Variants in GPR153 observed in about 807,000 individuals in gnomAD.
GPR153 encodes probable G protein-coupled receptor 153.
A neutral mutation model predicts 34.1 loss-of-function variants in GPR153; 27 were observed. The observed-to-expected ratio is 0.79, with a 90% confidence interval of 0.58 to 1.09. GPR153 has a LOEUF of 1.09. Among genes scored for constraint, GPR153 ranks in the 50% least tolerant of loss-of-function variants. The pLI is 0.00. For synonymous variants in GPR153, 408 were observed against 405.4 expected, an observed-to-expected ratio of 1.01 and a Z score of -0.08; for missense variants, 848 against 860.2, an observed-to-expected ratio of 0.99 and a Z score of 0.18.
At chr1:6,253,237 C>CA (rs906835821) in intron 3 of GPR153, among the ~76,000 whole-genome samples, 203 of 148,844 alleles carry the variant, frequency 1.4e-3, no homozygotes, top group African/African-American at 4.3e-3. Context: ...ACTAAAAATA[C>CA]AAAAAAAAAA....
At chr1:6,258,242 C>T (rs986886825) in intron 1 of GPR153, among the ~76,000 whole-genome samples, 2 of 152,200 alleles carry the variant, frequency 1.3e-5, no homozygotes, top group African/African-American at 4.8e-5. Flanking sequence ...ATTCTCCTGC[C>T]TCAGCCTCCC....
chr1:6,253,193 A>G (rs1638486604), intron 3 of GPR153, among the ~76,000 whole-genome samples: 1 of 152,110 alleles, frequency 6.6e-6, no homozygotes, highest in African/African-American at 2.4e-5. Context: ...GGAGTTCGAG[A>G]CCAGCCTGAC....
chr1:6,250,454 T>G lies in GPR153; in HGVS notation c.1150A>C (p.Met384Leu). ...CCTGCGCTCACCTGCAGGTATTGCA[T>G]CTTGTCCTCCTGCAAGGGCCGCAGT... is the stretch of plus-strand genomic sequence containing the variant. ...YPLRPLQEDK[M>L]QYLQVPPTRR... Residue 384 changes from methionine (M) to leucine (L), a missense_variant, in exon 5 of 6, where the codon ATG (methionine) becomes CTG (leucine). Transcript: ENST00000377893. The G allele has an allele frequency of 6.2e-7, 1 of 1,602,090 alleles. No homozygotes were observed.
intron 1 of GPR153, among the ~76,000 whole-genome samples, chr1:6,259,847 G>C (rs1638633180): frequency 6.6e-6 from 1 of 152,172 alleles, no homozygotes. Flanking sequence ...CGGCCACTAG[G>C]GCCAGACCCC....
Position 6,250,160 on chromosome 1 carries a change from G to A in GPR153, c.1165-157C>T, listed in dbSNP as rs552705220. On this transcript the variant is annotated intron_variant, in intron 5 of 5. Transcript: ENST00000377893. ...CTGTGAGGTTTGGTGCAGTCTCTTC[G>A]AGCCGCAGGGCTGTGTCAGACAGCT... 1.1e-5 allele frequency: 11 copies of A among 985,442 alleles called. No individual in the cohort carries two copies. The South Asian group carries it at 3.3e-4, about 29-fold the overall frequency. The allele number at this position is 985,442 out of a possible 1,614,324, so 61.0% of individuals were successfully genotyped here.
At position 6,251,423 on chromosome 1, in the gene GPR153, C is replaced by G. The variant is rs763825214; in HGVS notation, c.894G>C (p.Trp298Cys). 3.7e-5 allele frequency: 59 copies of G among 1,613,438 alleles called. No individual in the cohort carries two copies. Among genetic ancestry groups the G allele is most frequent in the Non-Finnish European group, 4.7e-5 (56 of 1,179,968 alleles). Residue 298 changes from tryptophan to cysteine, a missense_variant, in exon 4 of 6, where the codon TGG (tryptophan) becomes TGC (cysteine). Transcript: ENST00000377893. The surrounding 1 kb of genome is among the most constrained non-coding windows in gnomAD (Gnocchi z 4.9). ...GGTCAGCCCGGTAGCGGTCGCAGGC[C>G]CAGAGGAACACAGGCAGCAGCAGGG... ...AQALLLPVFLWACDRYRADLK... is the reference protein window; with the variant it reads ...AQALLLPVFLCACDRYRADLK...
chr1:6,255,755 C>T (rs1638557204), intron 1 of GPR153, among the ~76,000 whole-genome samples: 1 of 138,974 alleles, frequency 7.2e-6, no homozygotes, highest in Admixed American at 8.1e-5. Flanking sequence ...TGCGTTCAAG[C>T]AATTCTCCGG....
rs912785681 is a variant in GPR153, at chr1:6,248,352, C to A, written c.*986G>T. Reference sequence around the variant, plus strand: ...GGGTGGGGAGTGAGGCTGGGGATGACGCAGGGACACGGAAGGCCAGGCCCT... The same window carrying A: ...GGGTGGGGAGTGAGGCTGGGGATGAAGCAGGGACACGGAAGGCCAGGCCCT... On this transcript the variant is annotated 3_prime_UTR_variant, in exon 6 of 6. Transcript: ENST00000377893. 3.3e-5 allele frequency: 5 copies of A among 152,284 alleles called. No individual in the cohort carries two copies. The highest frequency in any genetic ancestry group is 6.6e-5 in the Admixed American group (1 of 15,266). The allele number at this position is 152,284 out of a possible 1,614,324, so 9.4% of individuals were successfully genotyped here.
intron 1 of GPR153, among the ~76,000 whole-genome samples, chr1:6,258,876 G>C (rs981057704): frequency 6.6e-6 from 1 of 152,120 alleles, no homozygotes; most frequent in African/African-American, 2.4e-5. Flanking sequence ...GGGTGGTAAG[G>C]AAAGAGCCAC....
chr1:6,249,730 G>C lies in GPR153; in HGVS notation c.1438C>G (p.Pro480Ala). The change falls in exon 6 of 6, where the codon CCC becomes GCC. Residue 480 changes from proline (P) to alanine (A), a missense_variant. Physicochemically the swap from Pro to Ala is conservative, Grantham distance 27 (BLOSUM62 -1). Transcript: ENST00000377893. This position sits in a 1 kb window ranked among gnomAD's most constrained non-coding sequence, Gnocchi z 4.3. ...CCGGGGCGGCGGCGCGGGCTGCCGG[G>C]GGGCGAGTCGCGGGCTCCCCGCGGG... ...SGPRGARDSPPGSPRRRPGPG... is the reference protein window; with the variant it reads ...SGPRGARDSPAGSPRRRPGPG... 9.5e-7 allele frequency: 1 copy of C among 1,056,082 alleles called. No homozygotes were observed. The highest frequency in any genetic ancestry group is 1.1e-6 in the Non-Finnish European group (1 of 877,780). The allele number at this position is 1,056,082 out of a possible 1,614,324, so 65.4% of individuals were successfully genotyped here. A position where few individuals can be genotyped will look rare whatever the true frequency, so the allele number is the denominator to read the frequency against.
chr1:6,253,269 C>T (rs1638487959), intron 3 of GPR153, among the ~76,000 whole-genome samples: 1 of 152,132 alleles, frequency 6.6e-6, no homozygotes. Flanking sequence ...TGGCAGCGGG[C>T]ACCTGTAATC....
chr1:6,260,631 A>C (rs1305952236), intron 1 of GPR153, among the ~76,000 whole-genome samples, 194 bp downstream of exon 1: 3 of 151,538 alleles, frequency 2.0e-5, no homozygotes, highest in Non-Finnish European at 4.4e-5. Flanking sequence ...AGGGGGACGG[A>C]GGGAGGGGCT....
At chr1:6,257,923 T>C (rs4908543) in intron 1 of GPR153, among the ~76,000 whole-genome samples, 92,360 of 152,164 alleles carry the variant, frequency 0.61, 29,511 homozygotes, top group Admixed American at 0.72. Flanking sequence ...TGGCCCTTCT[T>C]ACCCAGGGGC....
In GPR153 at chr1:6,251,623, T is replaced by C; in HGVS notation, c.787-93A>G. 1 of 1,338,892 alleles carries C rather than the reference T, an allele frequency of 7.5e-7. No individual in the cohort carries two copies. Among genetic ancestry groups the C allele is most frequent in the Non-Finnish European group, 9.9e-7 (1 of 1,009,092 alleles). The allele number at this position is 1,338,892 out of a possible 1,614,324, so 82.9% of individuals were successfully genotyped here. A position where few individuals can be genotyped will look rare whatever the true frequency, so the allele number is the denominator to read the frequency against. ...TCGGTCTCCCCATGTGTACGGCAGG[T>C]CTGACAGGTGGGTATCTGCCAAGGA... On this transcript the variant is annotated intron_variant, in intron 3 of 5. Transcript: ENST00000377893. The surrounding 1 kb of genome is among the most constrained non-coding windows in gnomAD (Gnocchi z 4.9).
rs1638355159 is a variant in GPR153 at position 6,248,641 on chromosome 1, ACCTCCAC to A, written c.*690_*696del. On this transcript the variant is annotated 3_prime_UTR_variant, in exon 6 of 6. Coordinates refer to ENST00000377893, the MANE Select transcript of GPR153 (RefSeq NM_207370.4). ...ACACCAGGCCACATGCTGAAAACGG[ACCTCCAC>A]AAAGGCCGCAGAGGGCTCTAGACTA... 6.6e-6 allele frequency: 1 copy of A among 151,886 alleles called. No homozygotes were observed. Among genetic ancestry groups the A allele is most frequent in the African/African-American group, 2.4e-5 (1 of 41,250 alleles). The allele number at this position is 151,886 out of a possible 1,614,324, so 9.4% of individuals were successfully genotyped here. A position where few individuals can be genotyped will look rare whatever the true frequency, so the allele number is the denominator to read the frequency against.
chr1:6,249,680 G>C lies in GPR153; in HGVS notation c.1488C>G (p.Ala496=). 9.4e-7 allele frequency: 1 copy of C among 1,059,594 alleles called. No homozygotes were observed. The highest frequency in any genetic ancestry group is 1.1e-6 in the Non-Finnish European group (1 of 879,850). The allele number at this position is 1,059,594 out of a possible 1,614,324, so 65.6% of individuals were successfully genotyped here. A position where few individuals can be genotyped will look rare whatever the true frequency, so the allele number is the denominator to read the frequency against. ...RPGPGPRSAS[A]SLLPDAFALT... ...GGGCGAAGGCGTCGGGCAGCAGCGA[G>C]GCCGAGGCGGAGCGGGGGCCGGGCC... The change falls in exon 6 of 6, where the codon GCC becomes GCG. Residue 496 remains alanine, a synonymous_variant. Coordinates refer to ENST00000377893, the MANE Select transcript of GPR153 (RefSeq NM_207370.4). The surrounding 1 kb of genome is among the most constrained non-coding windows in gnomAD (Gnocchi z 4.3).
intron 1 of GPR153, among the ~76,000 whole-genome samples, chr1:6,256,972 C>G (rs1436589610): frequency 2.6e-5 from 4 of 152,206 alleles, no homozygotes; most frequent in African/African-American, 9.7e-5. Context: ...GCCCATGTCC[C>G]TGACACCCAG....
At chr1:6,260,384 C>CCG (rs1553153382) in intron 1 of GPR153, among the ~76,000 whole-genome samples, 3 of 64,116 alleles carry the variant, frequency 4.7e-5, no homozygotes, top group Non-Finnish European at 7.0e-5. Flanking sequence ...GATCCCCCCC[C>CCG]CCCCCCGCAA....
At position 6,253,827 on chromosome 1, in the gene GPR153, C is replaced by T. The variant is rs143332760; in HGVS notation, c.677G>A (p.Arg226Gln). Residue 226 changes from arginine to glutamine, a missense_variant, in exon 3 of 6, where the codon CGG becomes CAG. Arg to Gln is a conservative substitution (Grantham distance 43, BLOSUM62 1). Transcript: ENST00000377893. ...TIVVEDAQGK[R>Q]RSSIDGSEPA... ...CTCCGAGCCATCGATGGAGGAGCGC[C>T]GCTTGCCCTGCGCGTCCTCCACCAC... The T allele has an allele frequency of 6.0e-4, 956 of 1,595,454 alleles. 6 individuals are homozygous for T. The South Asian group carries it at 7.8e-3, about 13-fold the overall frequency.
Sources: allele counts gnomAD v4.1 joint callset (sites outside exome capture counted in the v4.1 genomes callset), GRCh38; gene constraint gnomAD v4.1.1; non-coding constraint Gnocchi (gnomAD v3.1); transcripts MANE v1.5; gene names NCBI Gene and HGNC (gene_info 2026-07-23, HGNC 2026-07-21).